Variants in GMEB1 observed in about 807,000 individuals in gnomAD.
GMEB1 encodes glucocorticoid modulatory element-binding protein 1.
A neutral mutation model predicts 52.4 loss-of-function variants in GMEB1; 6 were observed. That is an observed-to-expected ratio of 0.11 (90% CI 0.06 to 0.23). The LOEUF is 0.23. Ranked by LOEUF, GMEB1 falls within the 10% of genes least tolerant of loss-of-function variation. The pLI, the probability that GMEB1 is intolerant of heterozygous loss-of-function variation, is 1.00. For missense variants in GMEB1, 486 were observed against 685.6 expected, an observed-to-expected ratio of 0.71 and a Z score of 3.25; for synonymous variants, 255 against 244.9, an observed-to-expected ratio of 1.04 and a Z score of -0.38.
chr1:28,703,714 C>G lies in GMEB1; in HGVS notation c.731-478C>G, dbSNP rs145721200. On this transcript the variant is annotated intron_variant, in intron 7 of 9. Transcript: ENST00000373816. ...AAAAAGAAAAGACATAGCCACCACC[C>G]TCAGAGAGCTTATAGCCCCATCTAT... 9.3e-4 allele frequency among the ~76,000 whole-genome samples: 141 copies of G among 152,076 alleles called. No individual in the cohort carries two copies. In the East Asian group the frequency reaches 0.015, roughly 16 times the overall value.
chr1:28,670,538 G>A (rs1192918635), intron 1 of GMEB1, among the ~76,000 whole-genome samples: 4 of 152,138 alleles, frequency 2.6e-5, no homozygotes, highest in Non-Finnish European at 5.9e-5. Context: ...ATGTTGGCCA[G>A]GCTGGTCTCG....
chr1:28,669,245 G>C lies in GMEB1; in HGVS notation c.-31+406G>C, dbSNP rs1482974588. Among the ~76,000 whole-genome samples, 6 of 151,902 alleles carry C rather than the reference G, an allele frequency of 3.9e-5. No individual in the cohort carries two copies. The East Asian group carries it at 1.2e-3, about 30-fold the overall frequency. ...GGGCCGGAGTGACTCCGGACTGAGA[G>C]GGCCAGGCGCCCAGGACCCCATCGA... On this transcript the variant is annotated intron_variant, in intron 1 of 9. Coordinates refer to ENST00000373816, the MANE Select transcript of GMEB1 (RefSeq NM_001319674.2).
intron 1 of GMEB1, among the ~76,000 whole-genome samples, chr1:28,681,367 C>CA (rs945439224): frequency 2.0e-5 from 3 of 151,208 alleles, no homozygotes; most frequent in African/African-American, 4.9e-5. Context: ...GACCGCGTCT[C>CA]AAAAAAAAGA....
intron 9 of GMEB1, among the ~76,000 whole-genome samples, chr1:28,712,001 T>C (rs1053868049): frequency 6.6e-5 from 10 of 152,286 alleles, no homozygotes; most frequent in African/African-American, 2.4e-4. Context: ...GTGCTTTTTT[T>C]TTCTTTTTTT....
intron 2 of GMEB1, among the ~76,000 whole-genome samples, chr1:28,688,480 A>G (rs28653428): frequency 6.6e-6 from 1 of 152,154 alleles, no homozygotes; most frequent in African/African-American, 2.4e-5. Flanking sequence ...AAATTAAATA[A>G]AGGATGTTGA....
At chr1:28,703,422 G>A (rs1034824370) in intron 7 of GMEB1, among the ~76,000 whole-genome samples, 13 of 152,154 alleles carry the variant, frequency 8.5e-5, no homozygotes, top group Admixed American at 7.9e-4. Context: ...AGCACTTTGG[G>A]AGGCCAAGGT....
At chr1:28,708,308 G>C (rs1670875849) in intron 8 of GMEB1, among the ~76,000 whole-genome samples, 1 of 151,960 alleles carries the variant, frequency 6.6e-6, no homozygotes, top group Admixed American at 6.6e-5. Context: ...GGTACTACAG[G>C]TGCCTGCCAC....
intron 5 of GMEB1, among the ~76,000 whole-genome samples, chr1:28,694,284 G>A (rs1445281857): frequency 1.4e-5 from 2 of 148,100 alleles, no homozygotes; most frequent in Non-Finnish European, 3.0e-5. Context: ...TCTGCCTCCC[G>A]GGTTCAAGTG....
chr1:28,692,524 C>G (rs1670016081), intron 4 of GMEB1, among the ~76,000 whole-genome samples: 1 of 149,788 alleles, frequency 6.7e-6, no homozygotes, highest in Admixed American at 6.7e-5. Flanking sequence ...GAGTGAGACT[C>G]TGTCTCAAAA....
intron 1 of GMEB1, among the ~76,000 whole-genome samples, chr1:28,671,699 G>C (rs914319654): frequency 1.3e-5 from 2 of 151,942 alleles, no homozygotes; most frequent in African/African-American, 4.8e-5. Flanking sequence ...AGCCGAGAGC[G>C]CACCACTGCT....
intron 1 of GMEB1, 23 bp from the exon 2 acceptor site, chr1:28,683,560 T>C (rs1268960071): frequency 1.9e-6 from 3 of 1,556,758 alleles, no homozygotes; most frequent in East Asian, 2.4e-5. Context: ...GATTAAGTTA[T>C]TGGTGCTTCT....
chr1:28,687,372 ACACACACACACAC>A (rs1669706126), intron 2 of GMEB1, among the ~76,000 whole-genome samples: 1 of 100,992 alleles, frequency 9.9e-6, no homozygotes, highest in Non-Finnish European at 2.1e-5. Context: ...ACACACACAC[ACACACACACACAC>A]ACAAAAAAAG....
In GMEB1 at chr1:28,714,693, A is replaced by G. The variant is rs760197802; in HGVS notation, c.1612A>G (p.Thr538Ala). 1 of 1,614,144 alleles carries G rather than the reference A, an allele frequency of 6.2e-7. No individual in the cohort carries two copies. Among genetic ancestry groups the G allele is most frequent in the Non-Finnish European group, 8.5e-7 (1 of 1,180,010 alleles). The change falls in exon 10 of 10, where the codon ACT (threonine) becomes GCT (alanine). Residue 538 changes from threonine to alanine, a missense_variant. Physicochemically the swap from Thr to Ala is moderately conservative, Grantham distance 58. Coordinates refer to ENST00000373816, the MANE Select transcript of GMEB1 (RefSeq NM_001319674.2). ...AGTCATCTTGGAGACAGAGCTGAGG[A>G]CTGAGGAGAAAGTTGTGGCTGAGAT... is the stretch of plus-strand genomic sequence containing the variant. ...KAVILETELR[T>A]EEKVVAEMEE...
chr1:28,676,389 G>A (rs919205699), intron 1 of GMEB1, among the ~76,000 whole-genome samples: 2 of 152,160 alleles, frequency 1.3e-5, no homozygotes, highest in African/African-American at 4.8e-5. Flanking sequence ...CCACAGATTA[G>A]TAGTTAACGC....
chr1:28,714,033 T>C, intron 9 of GMEB1, 40 bp from the exon 10 acceptor site: 1 of 1,468,206 alleles, frequency 6.8e-7, no homozygotes, highest in East Asian at 2.3e-5. Context: ...TCCCAAGATT[T>C]TACTTCCCTC....
intron 1 of GMEB1, among the ~76,000 whole-genome samples, chr1:28,675,500 T>G (rs1669109181): frequency 6.6e-6 from 1 of 151,436 alleles, no homozygotes; most frequent in Non-Finnish European, 1.5e-5. Context: ...GCCAACGTGG[T>G]GAAACCCCGT....
chr1:28,706,984 T>TTG (rs1670810255), intron 8 of GMEB1, among the ~76,000 whole-genome samples: 1 of 124,180 alleles, frequency 8.1e-6, no homozygotes, highest in African/African-American at 3.2e-5. Flanking sequence ...TTGGTTTTTT[T>TTG]TTTTTTTTTT....
intron 9 of GMEB1, 67 bp downstream of exon 9, chr1:28,710,709 T>C: frequency 8.4e-7 from 1 of 1,193,342 alleles, no homozygotes; most frequent in Non-Finnish European, 1.1e-6. Context: ...CATTTTCTTG[T>C]TGACTTTTGT....
chr1:28,701,564 G>A (rs1462141199), intron 6 of GMEB1, among the ~76,000 whole-genome samples: 1 of 151,238 alleles, frequency 6.6e-6, no homozygotes, highest in Non-Finnish European at 1.5e-5. Flanking sequence ...CACTGCGCCT[G>A]GCCAAAAGCT....
Sources: gnomAD v4.1 joint callset for allele counts (sites outside exome capture counted in the v4.1 genomes callset) on GRCh38, gnomAD v4.1.1 for gene constraint, MANE v1.5 for transcripts, NCBI Gene and HGNC (gene_info 2026-07-23, HGNC 2026-07-21) for gene names.